CNTN4: variants seen among roughly 807,000 people sequenced by gnomAD.
CNTN4 encodes contactin 4.
A neutral mutation model predicts 122.5 loss-of-function variants in CNTN4; 77 were observed. The observed-to-expected ratio is 0.63, with a 90% confidence interval of 0.52 to 0.76. The LOEUF (loss-of-function observed/expected upper bound fraction) is 0.76. CNTN4 is among the 30% of genes least tolerant of loss of function. The probability of loss-of-function intolerance (pLI) is 0.00; values close to 1 mark genes in which losing one functional copy is unlikely to be tolerated. For synonymous variants in CNTN4, 512 were observed against 447.0 expected, an observed-to-expected ratio of 1.15 and a Z score of -1.83; for missense variants, 1,256 against 1,259.1, an observed-to-expected ratio of 1.00 and a Z score of 0.04.
chr3:2,466,584 G>C (rs2075505006), intron 3 of CNTN4, among the ~76,000 whole-genome samples: 1 of 152,184 alleles, frequency 6.6e-6, no homozygotes, highest in East Asian at 1.9e-4. Flanking sequence ...TGGTGTGGCA[G>C]AAAGACTCTT....
chr3:3,052,110 C>A (rs559214976), intron 23 of CNTN4, among the ~76,000 whole-genome samples: 1 of 152,314 alleles, frequency 6.6e-6, no homozygotes, highest in African/African-American at 2.4e-5. Flanking sequence ...TTCATCTAAT[C>A]ATGATGCCTA....
intron 7 of CNTN4, among the ~76,000 whole-genome samples, chr3:2,843,080 G>C (rs1388854148): frequency 6.6e-6 from 1 of 151,902 alleles, no homozygotes; most frequent in Non-Finnish European, 1.5e-5. Context: ...TCCATTTCCT[G>C]CTCATCTTCT....
intron 7 of CNTN4, among the ~76,000 whole-genome samples, chr3:2,832,781 T>C (rs1051593544): frequency 5.9e-5 from 9 of 152,156 alleles, no homozygotes; most frequent in Non-Finnish European, 2.9e-5. Flanking sequence ...TGTTATCAAA[T>C]TGCCTCAAAT....
chr3:2,274,258 G>A lies in CNTN4; in HGVS notation c.-144-64920G>A, dbSNP rs376091007. ...ATTAGCCAGGTGTGGTGGTGGGTGC[G>A]TGTAATCTCAGCTACTCGGGAGACT... On this transcript the variant is annotated intron_variant, in intron 2 of 24. Coordinates refer to ENST00000418658, the MANE Select transcript of CNTN4 (RefSeq NM_175607.3). Among the ~76,000 whole-genome samples the A allele has an allele frequency of 1.6e-3, 244 of 152,104 alleles. 10 individuals are homozygous for A. The South Asian group carries it at 0.038, about 24-fold the overall frequency.
intron 4 of CNTN4, among the ~76,000 whole-genome samples, chr3:2,589,958 A>T (rs542388818): frequency 1.3e-5 from 2 of 152,330 alleles, no homozygotes; most frequent in South Asian, 4.1e-4. Context: ...ATTTATTATA[A>T]GCGAGTCATT....
chr3:2,546,517 T>A (rs1477757079), intron 3 of CNTN4, among the ~76,000 whole-genome samples: 1 of 151,758 alleles, frequency 6.6e-6, no homozygotes, highest in Non-Finnish European at 1.5e-5. Context: ...TGTGACGAGG[T>A]GGAAAATCAG....
chr3:2,492,296 A>T (rs1406409882), intron 3 of CNTN4, among the ~76,000 whole-genome samples: 1 of 152,120 alleles, frequency 6.6e-6, no homozygotes, highest in African/African-American at 2.4e-5. Flanking sequence ...CTTCCTTCTA[A>T]ACGTGTCCCA....
intron 12 of CNTN4, among the ~76,000 whole-genome samples, chr3:2,924,332 A>G (rs1437047793): frequency 6.6e-6 from 1 of 151,710 alleles, no homozygotes; most frequent in Non-Finnish European, 1.5e-5. Flanking sequence ...CCGCATTCAC[A>G]TAACACACAC....
intron 4 of CNTN4, among the ~76,000 whole-genome samples, chr3:2,630,577 T>G (rs1489954933): frequency 1.3e-5 from 2 of 152,198 alleles, no homozygotes; most frequent in African/African-American, 4.8e-5. Context: ...CCATTTCTTA[T>G]TAGTACACGA....
intron 4 of CNTN4, among the ~76,000 whole-genome samples, chr3:2,594,223 G>T (rs1272788954): frequency 5.7e-5 from 1 of 17,604 alleles, no homozygotes; most frequent in African/African-American, 1.0e-4. Context: ...CAATTTTGGA[G>T]AAACTGGTTT....
chr3:2,335,269 G>C (rs1426862666), intron 2 of CNTN4, among the ~76,000 whole-genome samples: 1 of 151,878 alleles, frequency 6.6e-6, no homozygotes, highest in Non-Finnish European at 1.5e-5. Flanking sequence ...GTTATGGATT[G>C]AACATGGAAA....
chr3:2,633,663 T>C (rs1401363077), intron 4 of CNTN4, among the ~76,000 whole-genome samples: 2 of 152,196 alleles, frequency 1.3e-5, no homozygotes, highest in African/African-American at 4.8e-5. Context: ...CAAAATATCC[T>C]CTCCACACTC....
rs1468748673 is a variant in CNTN4 at position 2,377,335 on chromosome 3, A to G, written c.-89+38102A>G. On this transcript the variant is annotated intron_variant, in intron 3 of 24. Transcript: ENST00000418658. ...CTTTAATATGAGTGCTATCTTCAGC[A>G]GTGCTTCATTATACAAAGTATTAAT... is the stretch of plus-strand genomic sequence containing the variant. Among the ~76,000 whole-genome samples the G allele has an allele frequency of 2.6e-5, 4 of 152,198 alleles. No individual in the cohort carries two copies. In the South Asian group the frequency reaches 6.2e-4, roughly 24 times the overall value.
intron 6 of CNTN4, among the ~76,000 whole-genome samples, chr3:2,785,138 C>CATAT (rs1553639244): frequency 1.6e-3 from 222 of 136,238 alleles, no homozygotes; most frequent in African/African-American, 3.9e-3. Flanking sequence ...CACACACACA[C>CATAT]ATATATATAG....
At chr3:2,665,196 A>G (rs2084091139) in intron 4 of CNTN4, among the ~76,000 whole-genome samples, 1 of 152,188 alleles carries the variant, frequency 6.6e-6, no homozygotes, top group South Asian at 2.1e-4. Flanking sequence ...ACTAATTCAG[A>G]TGGTCTTGCA....
intron 13 of CNTN4, among the ~76,000 whole-genome samples, chr3:2,951,571 A>G (rs900322544): frequency 1.9e-4 from 29 of 152,352 alleles, no homozygotes; most frequent in Non-Finnish European, 3.7e-4. Flanking sequence ...TAGTTCGTGC[A>G]TAATTCGTCT....
rs559693983 is a variant in CNTN4 at position 2,208,701 on chromosome 3, CATT to C, written c.-145+108063_-145+108065del. On this transcript the variant is annotated intron_variant, in intron 2 of 24. Coordinates refer to ENST00000418658, the MANE Select transcript of CNTN4 (RefSeq NM_175607.3). ...AGGAAGGGTCTATCTATGCAGCAAA[CATT>C]GTTGTCTTATTTTCAGAAATGGCCA... Among the ~76,000 whole-genome samples the C allele has an allele frequency of 2.3e-4, 35 of 152,188 alleles. No homozygotes were observed. In the South Asian group the frequency reaches 4.8e-3, roughly 21 times the overall value.
intron 4 of CNTN4, among the ~76,000 whole-genome samples, chr3:2,572,443 C>G (rs1396012958): frequency 4.6e-5 from 7 of 152,138 alleles, no homozygotes. Context: ...ATTGCTTTCT[C>G]CATTTTCTGG....
intron 2 of CNTN4, among the ~76,000 whole-genome samples, chr3:2,268,963 C>G (rs1303519041): frequency 6.6e-6 from 1 of 152,110 alleles, no homozygotes; most frequent in Non-Finnish European, 1.5e-5. Context: ...ATAGGTTTCT[C>G]TGCCGATCCA....
Sources: allele counts gnomAD v4.1 joint callset (sites outside exome capture counted in the v4.1 genomes callset), GRCh38; gene constraint gnomAD v4.1.1; transcripts MANE v1.5; gene names NCBI Gene and HGNC (gene_info 2026-07-23, HGNC 2026-07-21).